The following CARNS1 variants were observed in gnomAD, a reference collection of about 807,000 sequenced individuals.
CARNS1 encodes carnosine synthase 1, also known as ATP-grasp domain containing 1.
Under a neutral mutation model 74.0 loss-of-function variants are expected in CARNS1, and 61 were observed. The observed-to-expected ratio is 0.82, with a 90% CI of 0.67 to 1.02. CARNS1 has a LOEUF of 1.02. Ranked by LOEUF, CARNS1 falls within the 50% of genes least tolerant of loss-of-function variation. The pLI is 0.00. For synonymous variants in CARNS1, 568 were observed against 605.5 expected, an observed-to-expected ratio of 0.94 and a Z score of 0.91; for missense variants, 1,278 against 1,308.4, an observed-to-expected ratio of 0.98 and a Z score of 0.36.
Position 67,424,432 on chromosome 11 carries a change from T to G in CARNS1, c.2684T>G (p.Leu895Arg), listed in dbSNP as rs1417385908. The G allele has an allele frequency of 6.3e-7, 1 of 1,588,954 alleles. No individual in the cohort carries two copies. The highest frequency in any genetic ancestry group is 1.8e-5 in the Admixed American group (1 of 55,962). Residue 895 changes from leucine (L) to arginine (R), a missense_variant, in exon 10 of 10, where the codon CTG becomes CGG. By Grantham distance (102) the Leu-to-Arg change is moderately radical (BLOSUM62 -2). This residue lies in a region of CARNS1 where 1,164 missense variants were observed against 1,156.5 expected (regional missense o/e 1.01). Coordinates refer to ENST00000687366, the MANE Select transcript of CARNS1 (RefSeq NM_001166222.2). Reference protein sequence around the residue: ...LHDRGLLRLNLLEEALVPGEY... With the variant: ...LHDRGLLRLNRLEEALVPGEY... Reference sequence around the variant, plus strand: ...GACCGTGGACTGCTACGCCTCAATCTGCTGGAGGAGGCCCTGGTGCCTGGC... The same window carrying G: ...GACCGTGGACTGCTACGCCTCAATCGGCTGGAGGAGGCCCTGGTGCCTGGC...
intron 3 of CARNS1, among the ~76,000 whole-genome samples, chr11:67,418,167 C>T (rs754207819): frequency 1.8e-4 from 28 of 152,200 alleles, no homozygotes; most frequent in Admixed American, 3.9e-4. Context: ...TCCAAGGTTA[C>T]ACAGAAAGTC....
In CARNS1 at chr11:67,423,914, G is replaced by C; in HGVS notation, c.2166G>C (p.Met722Ile). The C allele has an allele frequency of 4.3e-6, 7 of 1,613,764 alleles. No homozygotes were observed. Among genetic ancestry groups the C allele is most frequent in the Non-Finnish European group, 5.9e-6 (7 of 1,179,888 alleles). ...PGIGLGWGNA[M>I]LLMEFVEGTE... ...TTGGGCTGGGCTGGGGCAATGCCATGCTGCTGATGGAGTTTGTGGAGGGCA... is the reference window on the plus strand; with the variant it reads ...TTGGGCTGGGCTGGGGCAATGCCATCCTGCTGATGGAGTTTGTGGAGGGCA... Residue 722 changes from methionine (M) to isoleucine (I), a missense_variant, in exon 10 of 10, where the codon ATG becomes ATC. By Grantham distance (10) the Met-to-Ile change is conservative. This residue lies in a region of CARNS1 where 1,164 missense variants were observed against 1,156.5 expected (regional missense o/e 1.01). Coordinates refer to ENST00000687366, the MANE Select transcript of CARNS1 (RefSeq NM_001166222.2). The surrounding 1 kb of genome is among the most constrained non-coding windows in gnomAD (Gnocchi z 5.1).
chr11:67,422,714 CCT>C (rs1033952653), intron 9 of CARNS1, among the ~76,000 whole-genome samples: 5 of 152,212 alleles, frequency 3.3e-5, no homozygotes, highest in Admixed American at 1.3e-4. Context: ...CCTCCTCTCC[CCT>C]CTCCCACCGT....
At chr11:67,417,067 G>A (rs779299838) in intron 2 of CARNS1, 6 of 1,069,122 alleles carry the variant, frequency 5.6e-6, no homozygotes, top group Non-Finnish European at 6.8e-6. Context: ...TTAGGTGCTG[G>A]GGTTGCCTCC....
intron 2 of CARNS1, chr11:67,416,680 C>A: frequency 2.0e-6 from 2 of 989,576 alleles, no homozygotes; most frequent in Non-Finnish European, 2.4e-6. Flanking sequence ...AGCTGCCAGG[C>A]CTGTCCAGGC....
Position 67,418,477 on chromosome 11 carries a change from C to A in CARNS1, c.321C>A (p.Ser107Arg). The change falls in exon 4 of 10, where the codon AGC (serine) becomes AGA (arginine). Residue 107 changes from serine (S) to arginine (R), a missense_variant. Coordinates refer to ENST00000687366, the MANE Select transcript of CARNS1 (RefSeq NM_001166222.2). ...CCTTGTGCGTTCTGGGCTCCCCCAGCACCTTTCTGCCTGTGCTGCTGGAGG... is the reference window on the plus strand; with the variant it reads ...CCTTGTGCGTTCTGGGCTCCCCCAGAACCTTTCTGCCTGTGCTGCTGGAGG... ...EVTLCVLGSP[S>R]TFLPVLLEGG... The A allele has an allele frequency of 1.3e-6, 2 of 1,495,352 alleles. No individual in the cohort carries two copies. The highest frequency in any genetic ancestry group is 2.3e-5 in the Admixed American group (1 of 42,564). 92.6% of individuals were successfully genotyped at this position (1,495,352 alleles called of 1,614,324 possible). A position where few individuals can be genotyped will look rare whatever the true frequency, so the allele number is the denominator to read the frequency against.
chr11:67,417,181 C>T, intron 2 of CARNS1: 1 of 1,223,762 alleles, frequency 8.2e-7, no homozygotes, highest in Middle Eastern at 3.1e-4. Flanking sequence ...TGCTTCCTGC[C>T]CTCCCCCCAG....
chr11:67,421,306 G>A (rs1863698242), intron 9 of CARNS1, 87 bp downstream of exon 9: 6 of 1,311,332 alleles, frequency 4.6e-6, no homozygotes, highest in Non-Finnish European at 5.9e-6. Context: ...GGAGCAAAGG[G>A]GCGTCCTTGG....
intron 2 of CARNS1, chr11:67,416,530 C>T (rs1863547591): frequency 8.5e-7 from 1 of 1,176,726 alleles, no homozygotes; most frequent in African/African-American, 1.6e-5. Flanking sequence ...CACACCATCT[C>T]CCAACAACCA....
intron 3 of CARNS1, 25 bp downstream of exon 3, chr11:67,417,702 G>A: frequency 1.6e-6 from 2 of 1,243,948 alleles, no homozygotes; most frequent in Non-Finnish European, 2.0e-6. Flanking sequence ...CCTGGAGGGA[G>A]GCACCTCTGG....
chr11:67,419,748 C>T lies in CARNS1; in HGVS notation c.1028-5C>T, dbSNP rs750359189. ...CTGGCCTTAGACCTCCCCGTCTTCC[C>T]CCAGATGGTCCTTCACCCGGCCCCG... On this transcript the variant is annotated splice_region_variant and splice_polypyrimidine_tract_variant and intron_variant, in intron 6 of 9. Coordinates refer to ENST00000687366, the MANE Select transcript of CARNS1 (RefSeq NM_001166222.2). 1.2e-6 allele frequency: 2 copies of T among 1,602,284 alleles called. No individual in the cohort carries two copies. Among genetic ancestry groups the T allele is most frequent in the Non-Finnish European group, 1.7e-6 (2 of 1,175,038 alleles).
rs1863758371 is a variant in CARNS1 at position 67,423,598 on chromosome 11, C to T, written c.1850C>T (p.Ser617Phe). The change falls in exon 10 of 10, where the codon TCC (serine) becomes TTC (phenylalanine). Residue 617 changes from serine to phenylalanine, a missense_variant. By Grantham distance (155) the Ser-to-Phe change is radical (BLOSUM62 -2). Coordinates refer to ENST00000687366, the MANE Select transcript of CARNS1 (RefSeq NM_001166222.2). The surrounding 1 kb of genome is among the most constrained non-coding windows in gnomAD (Gnocchi z 5.1). The stretch of plus-strand genomic sequence containing the variant: ...CAGGAGCTAGGTCTGCCCTGCAGCT[C>T]CCCAGCTGCCATGCGCCTGGCTAAG... ...LCQELGLPCS[S>F]PAAMRLAKQK... 2.5e-6 allele frequency: 4 copies of T among 1,610,102 alleles called. No homozygotes were observed. The highest frequency in any genetic ancestry group is 2.5e-6 in the Non-Finnish European group (3 of 1,178,492).
rs1336159241 is a variant in CARNS1 at position 67,424,653 on chromosome 11, C to T, written c.*52C>T. 2.6e-6 allele frequency: 4 copies of T among 1,518,022 alleles called. No homozygotes were observed. In the South Asian group the frequency reaches 3.9e-5, roughly 15 times the overall value. 94.0% of individuals were successfully genotyped at this position (1,518,022 alleles called of 1,614,324 possible). A position where few individuals can be genotyped will look rare whatever the true frequency, so the allele number is the denominator to read the frequency against. On this transcript the variant is annotated 3_prime_UTR_variant, in exon 10 of 10. Transcript: ENST00000687366. ...GTGCTGGGTGGAGGCACTGTGGTGC[C>T]CTCTGCTCCCTGGAGCTCTTCCTGC...
chr11:67,419,030 G>C lies in CARNS1; in HGVS notation c.639G>C (p.Arg213=). 6.4e-7 allele frequency: 1 copy of C among 1,557,642 alleles called. No individual in the cohort carries two copies. The part of the protein sequence containing the change: ...SAELARLLED[R]LLTRQLLAQQ... ...AGCTGGCCCGGCTGCTGGAGGACCG[G>C]CTGCTGACAAGGCAGTTGCTGGCCC... The change falls in exon 5 of 10, where the codon CGG becomes CGC. Residue 213 remains arginine (R), a synonymous_variant. Coordinates refer to ENST00000687366, the MANE Select transcript of CARNS1 (RefSeq NM_001166222.2).
Position 67,419,592 on chromosome 11 carries a change from G to C in CARNS1, c.958G>C (p.Glu320Gln), listed in dbSNP as rs764741356. The change falls in exon 6 of 10, where the codon GAG becomes CAG. Residue 320 changes from glutamate (E) to glutamine (Q), a missense_variant. Glu to Gln is a conservative substitution (Grantham distance 29, BLOSUM62 2). This residue lies in a region of CARNS1 where 1,164 missense variants were observed against 1,156.5 expected (regional missense o/e 1.01). Transcript: ENST00000687366. Reference protein sequence around the residue: ...AVVDTVLALLEKLEEEESVLV... With the variant: ...AVVDTVLALLQKLEEEESVLV... ...GGTGGACACAGTGCTGGCGCTGCTG[G>C]AGAAGCTGGAGGAGGAGGAGAGTGT... The C allele has an allele frequency of 6.0e-5, 97 of 1,605,380 alleles. No individual in the cohort carries two copies. Among genetic ancestry groups the C allele is most frequent in the Non-Finnish European group, 8.0e-5 (94 of 1,177,612 alleles).
At position 67,420,785 on chromosome 11, in the gene CARNS1, G is replaced by C; in HGVS notation, c.1290G>C (p.Glu430Asp). 8.1e-7 allele frequency: 1 copy of C among 1,237,470 alleles called. No homozygotes were observed. Among genetic ancestry groups the C allele is most frequent in the Non-Finnish European group, 1.0e-6 (1 of 992,996 alleles). The allele number at this position is 1,237,470 out of a possible 1,614,324, so 76.7% of individuals were successfully genotyped here. Residue 430 changes from glutamate (E) to aspartate (D), a missense_variant, in exon 8 of 10, where the codon GAG (glutamate) becomes GAC (aspartate). Transcript: ENST00000687366. Reference protein sequence around the residue: ...EAALAAVLALEAGLSAEQRGG... With the variant: ...EAALAAVLALDAGLSAEQRGG... The stretch of plus-strand genomic sequence containing the variant: ...CGCTGGCCGCCGTGCTGGCTCTGGA[G>C]GCCGGCCTGAGTGCCGAGCAGCGCG...
At chr11:67,415,905 C>G (rs2135075741) in intron 1 of CARNS1, 142 bp downstream of exon 1, 2 of 309,878 alleles carry the variant, frequency 6.5e-6, no homozygotes, top group Middle Eastern at 9.4e-4. Context: ...GACCCGGTGC[C>G]CCCAACTCCC....
At position 67,424,384 on chromosome 11, in the gene CARNS1, G is replaced by C. The variant is rs766432094; in HGVS notation, c.2636G>C (p.Arg879Pro). ...CAGGCCCTGAGTTCCACCGCCAGCC[G>C]TGAGACCCTGCAGGCCCTGCACGAC... ...HLQALSSTASRETLQALHDRG... is the reference protein window; with the variant it reads ...HLQALSSTASPETLQALHDRG... The change falls in exon 10 of 10, where the codon CGT becomes CCT. Residue 879 changes from arginine to proline, a missense_variant. By Grantham distance (103) the Arg-to-Pro change is moderately radical (BLOSUM62 -2). Transcript: ENST00000687366. The C allele has an allele frequency of 6.3e-7, 1 of 1,594,654 alleles. No homozygotes were observed. Among genetic ancestry groups the C allele is most frequent in the Non-Finnish European group, 8.5e-7 (1 of 1,170,850 alleles).
Position 67,423,273 on chromosome 11 carries a change from G to T in CARNS1, c.1627-102G>T. 1 of 1,153,410 alleles carries T rather than the reference G, an allele frequency of 8.7e-7. No homozygotes were observed. Among genetic ancestry groups the T allele is most frequent in the Non-Finnish European group, 1.2e-6 (1 of 807,434 alleles). 71.4% of individuals were successfully genotyped at this position (1,153,410 alleles called of 1,614,324 possible). On this transcript the variant is annotated intron_variant, in intron 9 of 9. Transcript: ENST00000687366. The surrounding 1 kb of genome is among the most constrained non-coding windows in gnomAD (Gnocchi z 5.1). ...CACATTTATTGAGCACCTAGTGTTT[G>T]TGTACTCGTATCCCCTGAAGGGGCC...
Sources: allele counts gnomAD v4.1 joint callset (sites outside exome capture counted in the v4.1 genomes callset), GRCh38; gene constraint gnomAD v4.1.1; regional missense constraint gnomAD v4.1.1; non-coding constraint Gnocchi (gnomAD v3.1); transcripts MANE v1.5; gene names NCBI Gene and HGNC (gene_info 2026-07-23, HGNC 2026-07-21).